The following RBFOX3 variants were observed in gnomAD, a reference collection of about 807,000 sequenced individuals.
RBFOX3 encodes the protein RNA binding protein fox-1 homolog 3.
Under a neutral mutation model 48.7 loss-of-function variants are expected in RBFOX3, and 17 were observed. The ratio of observed to expected loss-of-function variants is 0.35; its 90% CI spans 0.24 to 0.52. The LOEUF (loss-of-function observed/expected upper bound fraction) is 0.52, where lower values mean the gene tolerates loss of function less well. RBFOX3 is among the 20% of genes least tolerant of loss of function. RBFOX3 has a pLI of 0.94. For synonymous variants in RBFOX3, 212 were observed against 209.5 expected (o/e 1.01, Z -0.10); for missense variants, 382 against 497.5 (o/e 0.77, Z 2.21).
intron 3 of RBFOX3, among the ~76,000 whole-genome samples, chr17:79,268,215 C>G (rs903498797): frequency 2.0e-5 from 3 of 152,132 alleles, no homozygotes; most frequent in African/African-American, 4.8e-5. Context: ...TCAGGACTGG[C>G]GGGTTGCAGA....
At chr17:79,272,821 TC>T in intron 3 of RBFOX3, among the ~76,000 whole-genome samples, 1 of 152,144 alleles carries the variant, frequency 6.6e-6, no homozygotes, top group African/African-American at 2.4e-5. Flanking sequence ...CCTGCCCTCT[TC>T]CTCTCCTGTC....
At chr17:79,150,639 G>T (rs1311907216) in intron 4 of RBFOX3, among the ~76,000 whole-genome samples, 1 of 152,116 alleles carries the variant, frequency 6.6e-6, no homozygotes, top group Non-Finnish European at 1.5e-5. Context: ...CCACCTCTGG[G>T]GGCAAGGCCA....
intron 2 of RBFOX3, among the ~76,000 whole-genome samples, chr17:79,377,041 C>T (rs374935010): frequency 6.6e-6 from 1 of 152,114 alleles, no homozygotes; most frequent in South Asian, 2.1e-4. Context: ...CCGTGTTGTT[C>T]TTAGAGAAAC....
At chr17:79,227,779 G>A (rs899822317) in intron 4 of RBFOX3, among the ~76,000 whole-genome samples, 7 of 152,234 alleles carry the variant, frequency 4.6e-5, no homozygotes, top group Non-Finnish European at 8.8e-5. Context: ...GGCAGGGGAA[G>A]GTAGGCTCGG....
At chr17:79,179,695 G>C (rs1421630462) in intron 4 of RBFOX3, among the ~76,000 whole-genome samples, 4 of 152,226 alleles carry the variant, frequency 2.6e-5, no homozygotes, top group African/African-American at 7.2e-5. Context: ...CGAGCTTGGG[G>C]TTTTTTCCTC....
At chr17:79,593,724 A>G (rs1463810288) in intron 1 of RBFOX3, among the ~76,000 whole-genome samples, 1 of 152,224 alleles carries the variant, frequency 6.6e-6, no homozygotes, top group Non-Finnish European at 1.5e-5. Context: ...AAACGACAAG[A>G]GGAGTCGGGG....
intron 3 of RBFOX3, among the ~76,000 whole-genome samples, chr17:79,288,578 T>G (rs1006353578): frequency 1.3e-5 from 2 of 151,664 alleles, no homozygotes; most frequent in Non-Finnish European, 2.9e-5. Context: ...CCTTACCACG[T>G]CTCTCCCCAC....
At chr17:79,631,802 C>T in the RBFOX3 span, among the ~76,000 whole-genome samples, 1 of 152,202 alleles carries the variant, frequency 6.6e-6, no homozygotes, top group Admixed American at 6.5e-5. Flanking sequence ...GCAGACCCAG[C>T]CACCCTCAGG....
At chr17:79,353,638 C>A (rs4790015) in intron 2 of RBFOX3, among the ~76,000 whole-genome samples, 16,786 of 152,206 alleles carry the variant, frequency 0.11, 1,062 homozygotes, top group East Asian at 0.21. Context: ...CAAGGAAAAG[C>A]CACGTGATTC....
chr17:79,158,393 C>T (rs1210978706), intron 4 of RBFOX3, among the ~76,000 whole-genome samples: 1 of 152,206 alleles, frequency 6.6e-6, no homozygotes, highest in Admixed American at 6.5e-5. Context: ...AATGTGCCCA[C>T]CTCTTGGGCT....
chr17:79,267,144 T>A (rs2066846415), intron 3 of RBFOX3, among the ~76,000 whole-genome samples: 1 of 152,028 alleles, frequency 6.6e-6, no homozygotes, highest in South Asian at 2.1e-4. Flanking sequence ...GTGGCAGAAT[T>A]GCACTGAAGC....
chr17:79,657,487 T>C, the RBFOX3 span, among the ~76,000 whole-genome samples: 1 of 152,196 alleles, frequency 6.6e-6, no homozygotes, highest in Admixed American at 6.5e-5. Flanking sequence ...AAGGCCAGCC[T>C]GGCCAACATG....
intron 3 of RBFOX3, among the ~76,000 whole-genome samples, chr17:79,306,842 C>A (rs2076171353): frequency 6.6e-6 from 1 of 152,126 alleles, no homozygotes; most frequent in Non-Finnish European, 1.5e-5. Context: ...CTCAGACCCG[C>A]CAGCCTGGGC....
Position 79,170,682 on chromosome 17 carries a change from G to A in RBFOX3, c.-33-54934C>T, listed in dbSNP as rs369679617. ...CTGCCCCTGCCCATACCCCTGTTCC[G>A]GCCGCCCCTGGTCTGTAGCTTTCTG... On this transcript the variant is annotated intron_variant, in intron 4 of 14. Transcript: ENST00000693108. 1.9e-3 allele frequency among the ~76,000 whole-genome samples: 293 copies of A among 151,924 alleles called. 1 individual carries two copies. Among genetic ancestry groups the A allele is most frequent in the African/African-American group, 6.3e-3 (262 of 41,362 alleles).
intron 2 of RBFOX3, among the ~76,000 whole-genome samples, chr17:79,420,740 T>C (rs2066198864): frequency 6.6e-6 from 1 of 152,218 alleles, no homozygotes; most frequent in African/African-American, 2.4e-5. Flanking sequence ...ATCTCACCCC[T>C]GCCACAGGAG....
chr17:79,518,304 C>T (rs1157462120), intron 1 of RBFOX3, among the ~76,000 whole-genome samples: 1 of 152,240 alleles, frequency 6.6e-6, no homozygotes, highest in African/African-American at 2.4e-5. Context: ...ATCACTCTTT[C>T]AAGCGCACAG....
At chr17:79,133,532 C>T (rs755952735) in intron 4 of RBFOX3, among the ~76,000 whole-genome samples, 40 of 152,322 alleles carry the variant, frequency 2.6e-4, no homozygotes, top group Middle Eastern at 6.8e-3. Context: ...CTCTAATCCT[C>T]CTCTACATCC....
chr17:79,133,330 G>C (rs2039423849), intron 4 of RBFOX3, among the ~76,000 whole-genome samples: 1 of 152,178 alleles, frequency 6.6e-6, no homozygotes, highest in African/African-American at 2.4e-5. Context: ...CTTCACTGCA[G>C]CTCTCATGCA....
chr17:79,650,220 T>C, the RBFOX3 span, among the ~76,000 whole-genome samples: 1 of 152,116 alleles, frequency 6.6e-6, no homozygotes, highest in Non-Finnish European at 1.5e-5. Flanking sequence ...ATTTTTCCAC[T>C]CCTTTCTCTC....
Sources: allele counts gnomAD v4.1 joint callset (sites outside exome capture counted in the v4.1 genomes callset), GRCh38; gene constraint gnomAD v4.1.1; transcripts MANE v1.5; gene names NCBI Gene and HGNC (gene_info 2026-07-23, HGNC 2026-07-21).